The following SPATA16 variants were observed in gnomAD, a reference collection of about 807,000 sequenced individuals.
SPATA16 encodes spermatogenesis associated 16, also known as spermatogenesis-associated protein 16.
SPATA16 carries 36 observed loss-of-function variants against 63.3 expected under a neutral mutation model. The ratio of observed to expected loss-of-function variants is 0.57; its 90% CI spans 0.44 to 0.75. The LOEUF (loss-of-function observed/expected upper bound fraction) is 0.75, where lower values mean the gene tolerates loss of function less well. Among genes scored for constraint, SPATA16 ranks in the 30% least tolerant of loss-of-function variants. The pLI, the probability that SPATA16 is intolerant of heterozygous loss-of-function variation, is 0.00. For synonymous variants in SPATA16, 203 were observed against 216.7 expected, an observed-to-expected ratio of 0.94 and a Z score of 0.56; for missense variants, 646 against 679.3, an observed-to-expected ratio of 0.95 and a Z score of 0.54.
intron 2 of SPATA16, among the ~76,000 whole-genome samples, chr3:173,092,248 A>G (rs1737243325): frequency 6.6e-6 from 1 of 152,188 alleles, no homozygotes. Flanking sequence ...TTGCAAGTCA[A>G]GTAATATCTC....
chr3:173,030,717 C>G (rs76712672), intron 3 of SPATA16, among the ~76,000 whole-genome samples: 2,771 of 152,094 alleles, frequency 0.018, 78 homozygotes, highest in African/African-American at 0.062. Context: ...TCCAGCAATT[C>G]CACTCCTGTG....
intron 2 of SPATA16, among the ~76,000 whole-genome samples, chr3:173,113,255 A>G (rs1446617982): frequency 6.6e-6 from 1 of 152,224 alleles, no homozygotes; most frequent in East Asian, 1.9e-4. Context: ...AGGCATGACA[A>G]TATAAAATAA....
chr3:173,020,388 A>G (rs950612329), intron 3 of SPATA16, among the ~76,000 whole-genome samples: 3 of 151,958 alleles, frequency 2.0e-5, no homozygotes, highest in African/African-American at 7.3e-5. Flanking sequence ...GGTGTAAGAG[A>G]AGACCTGTAC....
At chr3:173,007,617 T>A (rs1354892704) in intron 4 of SPATA16, among the ~76,000 whole-genome samples, 1 of 152,258 alleles carries the variant, frequency 6.6e-6, no homozygotes, top group Non-Finnish European at 1.5e-5. Context: ...AAGAACATTT[T>A]AGAATACCTA....
At chr3:173,089,119 C>T (rs1737158285) in intron 2 of SPATA16, among the ~76,000 whole-genome samples, 1 of 152,146 alleles carries the variant, frequency 6.6e-6, no homozygotes, top group Non-Finnish European at 1.5e-5. Flanking sequence ...CCCGATTTCT[C>T]ATGCCTAAAT....
At chr3:173,073,523 G>C (rs907691508) in intron 2 of SPATA16, among the ~76,000 whole-genome samples, 1 of 152,260 alleles carries the variant, frequency 6.6e-6, no homozygotes, top group Non-Finnish European at 1.5e-5. Flanking sequence ...GCTTCAGAGG[G>C]TGTAAGCCCC....
chr3:173,037,265 G>A (rs1735735000), intron 3 of SPATA16, among the ~76,000 whole-genome samples: 1 of 151,912 alleles, frequency 6.6e-6, no homozygotes, highest in Admixed American at 6.6e-5. Flanking sequence ...GGTACTACAT[G>A]TGACTTCTCG....
chr3:173,091,932 A>G (rs1044952237), intron 2 of SPATA16, among the ~76,000 whole-genome samples: 7 of 152,138 alleles, frequency 4.6e-5, no homozygotes, highest in Admixed American at 4.6e-4. Flanking sequence ...GAATATTTAT[A>G]TAGAGAATAG....
intron 8 of SPATA16, among the ~76,000 whole-genome samples, 178 bp from the exon 9 acceptor site, chr3:172,916,659 A>T (rs1405055274): frequency 6.6e-6 from 1 of 152,186 alleles, no homozygotes; most frequent in African/African-American, 2.4e-5. Flanking sequence ...TTTTTCTAGT[A>T]GGTAAATATA....
In SPATA16 at chr3:173,049,067, C is replaced by T. The variant is rs1736020447; in HGVS notation, c.640G>A (p.Glu214Lys). The T allele has an allele frequency of 6.2e-7, 1 of 1,613,578 alleles. No homozygotes were observed. Among genetic ancestry groups the T allele is most frequent in the Non-Finnish European group, 8.5e-7 (1 of 1,179,702 alleles). ...TCTTCAGCAGGTGCATCAAATGGTT[C>T]TCCCAGAACTGCTCCTTTGCTGCAA... is the stretch of plus-strand genomic sequence containing the variant. Reference protein sequence around the residue: ...ELCSKGAVLGEPFDAPAEDIA... With the variant: ...ELCSKGAVLGKPFDAPAEDIA... Residue 214 changes from glutamate (E) to lysine (K), a missense_variant, in exon 3 of 11, where the codon GAA (glutamate) becomes AAA (lysine). Physicochemically the swap from Glu to Lys is moderately conservative, Grantham distance 56. Coordinates refer to ENST00000351008, the MANE Select transcript of SPATA16 (RefSeq NM_031955.6).
At chr3:172,948,536 T>C (rs898458343) in intron 6 of SPATA16, among the ~76,000 whole-genome samples, 7 of 152,168 alleles carry the variant, frequency 4.6e-5, no homozygotes, top group Non-Finnish European at 1.0e-4. Flanking sequence ...GCTGTGATCA[T>C]GGCTCACTGC....
intron 3 of SPATA16, among the ~76,000 whole-genome samples, chr3:173,044,541 T>G (rs558888203): frequency 3.9e-5 from 6 of 152,294 alleles, no homozygotes; most frequent in African/African-American, 1.4e-4. Flanking sequence ...TTTCATAGGT[T>G]TGTTGAAATC....
intron 10 of SPATA16, among the ~76,000 whole-genome samples, chr3:172,909,419 G>A (rs1458803112): frequency 6.6e-6 from 1 of 152,142 alleles, no homozygotes; most frequent in African/African-American, 2.4e-5. Context: ...TAAGAGGATT[G>A]ATGGTTTCTA....
intron 4 of SPATA16, among the ~76,000 whole-genome samples, chr3:172,985,267 T>C (rs1349365445): frequency 6.6e-6 from 1 of 152,248 alleles, no homozygotes; most frequent in East Asian, 1.9e-4. Context: ...ATAGCAAATA[T>C]ATGCCTGATT....
At chr3:172,923,412 G>A (rs1386499803) in intron 8 of SPATA16, among the ~76,000 whole-genome samples, 1 of 152,180 alleles carries the variant, frequency 6.6e-6, no homozygotes, top group Non-Finnish European at 1.5e-5. Flanking sequence ...CAGATGTTAA[G>A]TAGCTGTTTG....
chr3:173,032,830 C>G (rs191549417), intron 3 of SPATA16, among the ~76,000 whole-genome samples: 177 of 152,186 alleles, frequency 1.2e-3, no homozygotes, highest in Middle Eastern at 6.8e-3. Context: ...TTTATATATT[C>G]AGCACCTAAG....
intron 1 of SPATA16, 124 bp from the exon 2 acceptor site, chr3:173,117,873 A>G: frequency 6.9e-7 from 1 of 1,455,332 alleles, no homozygotes; most frequent in Non-Finnish European, 9.3e-7. Flanking sequence ...CTTGTAAGTA[A>G]AACTGTATTT....
chr3:173,068,282 A>G (rs1736571935), intron 2 of SPATA16, among the ~76,000 whole-genome samples: 2 of 152,224 alleles, frequency 1.3e-5, no homozygotes, highest in Non-Finnish European at 2.9e-5. Context: ...AATAACTACA[A>G]CTACTATTTA....
intron 5 of SPATA16, among the ~76,000 whole-genome samples, chr3:172,966,061 G>A (rs961711556): frequency 1.3e-5 from 2 of 152,116 alleles, no homozygotes; most frequent in Non-Finnish European, 2.9e-5. Context: ...GGAAATAATT[G>A]CACCTGTGAG....
Sources: allele counts gnomAD v4.1 joint callset (sites outside exome capture counted in the v4.1 genomes callset), GRCh38; gene constraint gnomAD v4.1.1; transcripts MANE v1.5; gene names NCBI Gene and HGNC (gene_info 2026-07-23, HGNC 2026-07-21).